NPAS3: variants seen among roughly 807,000 people sequenced by gnomAD.
The protein encoded by NPAS3 is neuronal PAS domain protein 3.
A neutral mutation model predicts 73.1 loss-of-function variants in NPAS3; 14 were observed. The observed-to-expected ratio is 0.19, with a 90% confidence interval of 0.13 to 0.30. The LOEUF is 0.30. Among genes scored for constraint, NPAS3 ranks in the 10% least tolerant of loss-of-function variants. The pLI is 1.00. For synonymous variants in NPAS3, 620 were observed against 541.5 expected, an observed-to-expected ratio of 1.14 and a Z score of -2.01; for missense variants, 1,096 against 1,250.0, an observed-to-expected ratio of 0.88 and a Z score of 1.86.
chr14:33,063,915 A>C (rs1201637000), intron 2 of NPAS3, among the ~76,000 whole-genome samples: 1 of 152,242 alleles, frequency 6.6e-6, no homozygotes, highest in African/African-American at 2.4e-5. Flanking sequence ...ATAAGCATTC[A>C]ACCGCCAGCA....
At chr14:33,352,168 C>T (rs1052586323) in intron 3 of NPAS3, among the ~76,000 whole-genome samples, 10 of 152,176 alleles carry the variant, frequency 6.6e-5, no homozygotes, top group African/African-American at 2.4e-4. Flanking sequence ...GTCTTAGGCA[C>T]TTCATGTATG....
chr14:33,207,779 C>T (rs2046885839), intron 2 of NPAS3, among the ~76,000 whole-genome samples: 1 of 152,124 alleles, frequency 6.6e-6, no homozygotes, highest in Admixed American at 6.5e-5. Flanking sequence ...CAGCTCAGAG[C>T]AGAGCCACAA....
At chr14:33,289,489 T>G (rs1465835284) in intron 3 of NPAS3, among the ~76,000 whole-genome samples, 1 of 152,074 alleles carries the variant, frequency 6.6e-6, no homozygotes, top group Non-Finnish European at 1.5e-5. Flanking sequence ...TTTAGTAATC[T>G]CTCCTTGGCC....
intron 3 of NPAS3, among the ~76,000 whole-genome samples, chr14:33,315,811 G>T (rs1455760660): frequency 1.3e-5 from 2 of 151,996 alleles, no homozygotes; most frequent in East Asian, 3.9e-4. Context: ...AGTAAAAGGA[G>T]ACCAGAGGGG....
intron 3 of NPAS3, among the ~76,000 whole-genome samples, chr14:33,332,755 A>AT (rs2044043281): frequency 6.6e-6 from 1 of 152,176 alleles, no homozygotes; most frequent in Non-Finnish European, 1.5e-5. Context: ...TTTACAAGTC[A>AT]GTTGAATTGT....
At chr14:33,602,187 C>T (rs760160456) in intron 5 of NPAS3, among the ~76,000 whole-genome samples, 17 of 152,116 alleles carry the variant, frequency 1.1e-4, no homozygotes, top group Non-Finnish European at 1.8e-4. Flanking sequence ...AGTATTCAGC[C>T]GAGCACTAAT....
intron 4 of NPAS3, among the ~76,000 whole-genome samples, chr14:33,489,633 T>C (rs2051792004): frequency 6.6e-6 from 1 of 152,158 alleles, no homozygotes; most frequent in South Asian, 2.1e-4. Context: ...AAAACCAAAA[T>C]TCCTTATTAG....
intron 2 of NPAS3, among the ~76,000 whole-genome samples, chr14:33,153,161 GT>G (rs915075342): frequency 6.6e-6 from 1 of 151,686 alleles, no homozygotes; most frequent in African/African-American, 2.4e-5. Flanking sequence ...GAACATGCTT[GT>G]TTTTTACTTT....
At chr14:32,989,286 T>C (rs1195524994) in intron 1 of NPAS3, among the ~76,000 whole-genome samples, 1 of 152,206 alleles carries the variant, frequency 6.6e-6, no homozygotes, top group African/African-American at 2.4e-5. Context: ...ATACAGGCTG[T>C]TGTGACTGGA....
intron 5 of NPAS3, among the ~76,000 whole-genome samples, chr14:33,562,302 T>C (rs8006041): frequency 0.8 from 122,107 of 152,080 alleles, 49,141 homozygotes; most frequent in Admixed American, 0.82. Context: ...CTGGCAATTT[T>C]TGTGCAGTCA....
chr14:33,085,311 GA>G (rs1239434931), intron 2 of NPAS3, among the ~76,000 whole-genome samples: 2 of 152,210 alleles, frequency 1.3e-5, no homozygotes, highest in African/African-American at 4.8e-5. Flanking sequence ...GGTTTAAAAT[GA>G]AATATCTGGA....
intron 2 of NPAS3, among the ~76,000 whole-genome samples, chr14:33,188,602 T>C (rs911525258): frequency 6.6e-5 from 10 of 152,220 alleles, no homozygotes; most frequent in African/African-American, 1.4e-4. Context: ...CAGATTTTCA[T>C]TGTATAGAAG....
At chr14:33,744,197 C>A (rs773675363) in intron 7 of NPAS3, among the ~76,000 whole-genome samples, 4 of 152,182 alleles carry the variant, frequency 2.6e-5, no homozygotes, top group Non-Finnish European at 5.9e-5. Context: ...TTCATCATTT[C>A]TAGCTTTTGA....
intron 3 of NPAS3, among the ~76,000 whole-genome samples, chr14:33,323,557 A>C (rs2043556160): frequency 6.6e-6 from 1 of 152,206 alleles, no homozygotes; most frequent in Non-Finnish European, 1.5e-5. Context: ...TTCTTATAAA[A>C]TTTTAATGGG....
intron 3 of NPAS3, among the ~76,000 whole-genome samples, chr14:33,259,437 A>C (rs1241752243): frequency 1.3e-5 from 2 of 152,192 alleles, no homozygotes; most frequent in African/African-American, 2.4e-5. Flanking sequence ...CTTTACTTTT[A>C]TGATTTCACT....
rs549876846 is a variant in NPAS3 at position 33,343,746 on chromosome 14, C to T, written c.386-23440C>T. Reference sequence around the variant, plus strand: ...ATATTTGGCTGCAAATAACAGAATACGTAACATGCAGTTGTATAAGCAATA... The same window carrying T: ...ATATTTGGCTGCAAATAACAGAATATGTAACATGCAGTTGTATAAGCAATA... On this transcript the variant is annotated intron_variant, in intron 3 of 11. Transcript: ENST00000356141. Among the ~76,000 whole-genome samples the T allele has an allele frequency of 1.4e-4, 21 of 152,264 alleles. No homozygotes were observed. The East Asian group carries it at 2.3e-3, about 17-fold the overall frequency.
At chr14:33,684,652 G>A (rs528671504) in intron 6 of NPAS3, among the ~76,000 whole-genome samples, 75 of 152,284 alleles carry the variant, frequency 4.9e-4, no homozygotes, top group African/African-American at 1.7e-3. Context: ...GTAAGTAAGT[G>A]GCATCTGAAT....
At chr14:33,037,480 G>C (rs2040206631) in intron 1 of NPAS3, among the ~76,000 whole-genome samples, 1 of 134,952 alleles carries the variant, frequency 7.4e-6, no homozygotes, top group Admixed American at 7.3e-5. Flanking sequence ...CCCCATCTCA[G>C]CAAAAAAAAA....
intron 5 of NPAS3, among the ~76,000 whole-genome samples, chr14:33,650,548 G>A (rs1380105712): frequency 2.0e-5 from 3 of 152,208 alleles, no homozygotes; most frequent in Non-Finnish European, 4.4e-5. Context: ...TACATTTGTT[G>A]CAAGTGATCT....
Sources: allele counts gnomAD v4.1 joint callset (sites outside exome capture counted in the v4.1 genomes callset), GRCh38; gene constraint gnomAD v4.1.1; transcripts MANE v1.5; gene names NCBI Gene and HGNC (gene_info 2026-07-23, HGNC 2026-07-21).